PDZD2: variants seen among roughly 807,000 people sequenced by gnomAD.
PDZD2 encodes PDZ domain-containing protein 2.
In PDZD2, 90 loss-of-function variants were observed where a neutral mutation model predicts 220.7. The observed-to-expected ratio is 0.41, with a 90% CI of 0.34 to 0.49. The LOEUF (loss-of-function observed/expected upper bound fraction) is 0.49, where lower values mean the gene tolerates loss of function less well. PDZD2 is among the 20% of genes least tolerant of loss of function. The pLI is 0.28. For synonymous variants in PDZD2, 1,375 were observed against 1,450.5 expected (o/e 0.95, Z 1.18); for missense variants, 3,174 against 3,608.5 (o/e 0.88, Z 3.08).
rs73072268 is a variant in PDZD2, at chr5:32,037,353, G to A, written c.1519+11G>A. ...AGAGTCGCCTTTCAGGTAGGTGGGG[G>A]CTCTACCTGATGCAGCCTGTCTAGG... On this transcript the variant is annotated intron_variant, in intron 7 of 24. Transcript: ENST00000438447. 25,544 of 1,434,720 alleles carry A rather than the reference G, an allele frequency of 0.018. 357 individuals carry two copies. Among genetic ancestry groups the A allele is most frequent in the African/African-American group, 0.063 (4,518 of 71,696 alleles). 88.9% of individuals were successfully genotyped at this position (1,434,720 alleles called of 1,614,324 possible).
intron 1 of PDZD2, among the ~76,000 whole-genome samples, chr5:31,786,412 T>C (rs56156256): frequency 0.031 from 4,690 of 152,352 alleles, 104 homozygotes; most frequent in Non-Finnish European, 0.047. Context: ...CTTGGTTCTA[T>C]TGCTGTTCCA....
Position 32,089,777 on chromosome 5 carries a change from C to T in PDZD2, c.6329C>T (p.Ala2110Val), listed in dbSNP as rs772627525. 27 of 1,614,068 alleles carry T rather than the reference C, an allele frequency of 1.7e-5. No individual in the cohort carries two copies. Among genetic ancestry groups the T allele is most frequent in the East Asian group, 6.7e-5 (3 of 44,884 alleles). Reference protein sequence around the residue: ...VSETVCGNKPAESDRRGGCLA... With the variant: ...VSETVCGNKPVESDRRGGCLA... Reference sequence around the variant, plus strand: ...GAGACTGTATGTGGTAACAAGCCAGCTGAAAGCGACAGACGGGGAGGGTGC... The same window carrying T: ...GAGACTGTATGTGGTAACAAGCCAGTTGAAAGCGACAGACGGGGAGGGTGC... Residue 2110 changes from alanine (A) to valine (V), a missense_variant, in exon 20 of 25, where the codon GCT becomes GTT. This residue lies in a region of PDZD2 where 1,861 missense variants were observed against 2,001.0 expected (regional missense o/e 0.93). Transcript: ENST00000438447.
chr5:31,689,050 G>T (rs896705598), intron 1 of PDZD2, among the ~76,000 whole-genome samples: 2 of 151,872 alleles, frequency 1.3e-5, no homozygotes, highest in African/African-American at 4.8e-5. Context: ...TATCCACAAG[G>T]TTTTTTGTTT....
intron 2 of PDZD2, among the ~76,000 whole-genome samples, chr5:31,950,058 C>G (rs895903189): frequency 6.6e-6 from 1 of 152,102 alleles, no homozygotes; most frequent in African/African-American, 2.4e-5. Context: ...CTTATTACCT[C>G]CTCCGGTGAT....
intron 1 of PDZD2, among the ~76,000 whole-genome samples, chr5:31,703,841 G>T (rs1747700003): frequency 6.6e-6 from 1 of 152,016 alleles, no homozygotes; most frequent in Admixed American, 6.6e-5. Flanking sequence ...GATTGTAAAA[G>T]AAATCACTGT....
intron 1 of PDZD2, among the ~76,000 whole-genome samples, chr5:31,700,022 A>G (rs1228471590): frequency 6.6e-6 from 1 of 152,124 alleles, no homozygotes; most frequent in Admixed American, 6.5e-5. Flanking sequence ...GAAGGACCAC[A>G]CTTTGGCTTC....
chr5:31,940,227 C>A (rs1309204605), intron 2 of PDZD2, among the ~76,000 whole-genome samples: 2 of 152,216 alleles, frequency 1.3e-5, no homozygotes, highest in Non-Finnish European at 2.9e-5. Flanking sequence ...CCTCCATGGA[C>A]ATGGCAACTG....
intron 1 of PDZD2, among the ~76,000 whole-genome samples, chr5:31,752,090 T>TTTTTTTTTTTTTTC (rs1554070603): frequency 6.9e-6 from 1 of 144,062 alleles, no homozygotes; most frequent in Admixed American, 7.1e-5. Context: ...TTTTTTTTTT[T>TTTTTTTTTTTTTTC]CTGAGACAAG....
Position 31,834,353 on chromosome 5 carries a change from G to A in PDZD2, c.476+34629G>A, listed in dbSNP as rs186147674. On this transcript the variant is annotated intron_variant, in intron 2 of 24. Transcript: ENST00000438447. ...TAACTAATAACCCTTTTAGTGAAGA[G>A]CTTCTGCCTGAAGAGGGTTCCTGGA... Among the ~76,000 whole-genome samples the A allele has an allele frequency of 7.9e-5, 12 of 152,298 alleles. No individual in the cohort carries two copies. In the East Asian group the frequency reaches 2.3e-3, roughly 29 times the overall value.
chr5:31,716,435 G>T (rs1459693280), intron 1 of PDZD2, among the ~76,000 whole-genome samples: 5 of 152,278 alleles, frequency 3.3e-5, no homozygotes, highest in Admixed American at 3.3e-4. Context: ...TGAGGGGAAA[G>T]TGTGGGGAAA....
chr5:31,937,061 A>G (rs1745809263), intron 2 of PDZD2, among the ~76,000 whole-genome samples: 1 of 152,222 alleles, frequency 6.6e-6, no homozygotes, highest in Non-Finnish European at 1.5e-5. Context: ...ACATGCAAGG[A>G]TAATTTTAAA....
chr5:32,102,003 A>T (rs1032502880), intron 24 of PDZD2, among the ~76,000 whole-genome samples: 3 of 152,194 alleles, frequency 2.0e-5, no homozygotes, highest in African/African-American at 7.2e-5. Context: ...TTCTTAGCTA[A>T]GGATTGTTGT....
In PDZD2 at chr5:31,931,437, C is replaced by T. The variant is rs546712311; in HGVS notation, c.477-51718C>T. On this transcript the variant is annotated intron_variant, in intron 2 of 24. Coordinates refer to ENST00000438447, the MANE Select transcript of PDZD2 (RefSeq NM_178140.4). ...CCTCCCAAAGTACTGGAATTACAGG[C>T]GTGAGGCGCTGTGCCTGGCCGCATA... 7.9e-5 allele frequency among the ~76,000 whole-genome samples: 12 copies of T among 152,294 alleles called. 1 individual carries two copies. Among genetic ancestry groups the T allele is most frequent in the East Asian group, 7.7e-4 (4 of 5,174 alleles).
intron 23 of PDZD2, chr5:32,100,849 C>T (rs1214398999): frequency 1.3e-6 from 2 of 1,518,792 alleles, no homozygotes; most frequent in South Asian, 1.1e-5. Flanking sequence ...AAAGCATTTG[C>T]CAATGCTTGC....
At chr5:31,832,396 G>C (rs1401951192) in intron 2 of PDZD2, 1 of 152,232 alleles carries the variant, frequency 6.6e-6, no homozygotes, top group African/African-American at 2.4e-5. Context: ...CTGTACACTT[G>C]AAAATCATTC....
chr5:31,770,334 G>A (rs908855059), intron 1 of PDZD2, among the ~76,000 whole-genome samples: 1 of 152,186 alleles, frequency 6.6e-6, no homozygotes. Context: ...CCAGACAACG[G>A]GAACTGACGG....
chr5:31,718,046 C>T (rs898247670), intron 1 of PDZD2, among the ~76,000 whole-genome samples: 7 of 152,214 alleles, frequency 4.6e-5, no homozygotes, highest in African/African-American at 1.7e-4. Context: ...CTGTCAGCTC[C>T]TCCCTATAAC....
chr5:31,740,986 A>G (rs1310845533), intron 1 of PDZD2, among the ~76,000 whole-genome samples: 1 of 152,216 alleles, frequency 6.6e-6, no homozygotes, highest in East Asian at 1.9e-4. Context: ...AGGGTTTTTC[A>G]AACTGATGTC....
chr5:31,693,825 G>T (rs2150129811), intron 1 of PDZD2, among the ~76,000 whole-genome samples: 1 of 152,280 alleles, frequency 6.6e-6, no homozygotes, highest in Non-Finnish European at 1.5e-5. Flanking sequence ...TGCCAGCTCT[G>T]CCCTTATGGT....
Sources: allele counts gnomAD v4.1 joint callset (sites outside exome capture counted in the v4.1 genomes callset), GRCh38; gene constraint gnomAD v4.1.1; regional missense constraint gnomAD v4.1.1; transcripts MANE v1.5; gene names NCBI Gene and HGNC (gene_info 2026-07-23, HGNC 2026-07-21).